COQ5: variants seen among roughly 807,000 people sequenced by gnomAD.
COQ5 encodes 2-methoxy-6-polyprenyl-1,4-benzoquinol methylase, mitochondrial.
In COQ5, 27 loss-of-function variants were observed where a neutral mutation model predicts 40.5. The observed-to-expected ratio is 0.67, with a 90% CI of 0.49 to 0.92. The LOEUF is 0.92. COQ5 is among the 40% of genes least tolerant of loss of function. The pLI, the probability that COQ5 is intolerant of heterozygous loss-of-function variation, is 0.00. For missense variants in COQ5, 409 were observed against 406.4 expected (o/e 1.01, Z -0.06); for synonymous variants, 141 against 150.0 (o/e 0.94, Z 0.44).
At chr12:120,517,123 G>C (rs1321979595) in intron 2 of COQ5, among the ~76,000 whole-genome samples, 1 of 152,080 alleles carries the variant, frequency 6.6e-6, no homozygotes, top group African/African-American at 2.4e-5. Flanking sequence ...GAGACTGGGG[G>C]ATCACCTGAG....
chr12:120,522,255 G>C lies in COQ5; in HGVS notation c.311C>G (p.Pro104Arg). 1 of 1,614,078 alleles carries C rather than the reference G, an allele frequency of 6.2e-7. No homozygotes were observed. The highest frequency in any genetic ancestry group is 8.5e-7 in the Non-Finnish European group (1 of 1,179,994). ...WKDLLLWKMH[P>R]LPGTQLLDVA... Reference sequence around the variant, plus strand: ...ATCAAGCAGCTGGGTCCCAGGAAGCGGGTGCATCTTCCAGAGCAGCAAATC... The same window carrying C: ...ATCAAGCAGCTGGGTCCCAGGAAGCCGGTGCATCTTCCAGAGCAGCAAATC... Residue 104 changes from proline (P) to arginine (R), a missense_variant, in exon 2 of 7, where the codon CCG becomes CGG. Pro to Arg is a moderately radical substitution (Grantham distance 103). Transcript: ENST00000288532.
rs947551904 is a variant in COQ5 at position 120,517,436 on chromosome 12, C to T, written c.353-648G>A. On this transcript the variant is annotated intron_variant, in intron 2 of 6. Coordinates refer to ENST00000288532, the MANE Select transcript of COQ5 (RefSeq NM_032314.4). ...CTGTAATCCCAGCACTTCGGGAGGC[C>T]GAGGCGGTTGGATCACGAGGTCAGG... is the stretch of plus-strand genomic sequence containing the variant. 5.3e-5 allele frequency among the ~76,000 whole-genome samples: 8 copies of T among 149,700 alleles called. No individual in the cohort carries two copies. In the South Asian group the frequency reaches 8.5e-4, roughly 16 times the overall value.
intron 5 of COQ5, 39 bp from the exon 6 acceptor site, chr12:120,504,120 T>G: frequency 4.3e-6 from 5 of 1,175,136 alleles, no homozygotes; most frequent in Non-Finnish European, 5.1e-6. Context: ...GATTAGAACA[T>G]GCCCCTCACT....
At position 120,527,846 on chromosome 12, in the gene COQ5, G is replaced by C. The variant is rs866318521; in HGVS notation, c.202+1094C>G. Among the ~76,000 whole-genome samples, 6 of 151,684 alleles carry C rather than the reference G, an allele frequency of 4.0e-5. No individual in the cohort carries two copies. The South Asian group carries it at 1.2e-3, about 32-fold the overall frequency. Reference sequence around the variant, plus strand: ...AAAAAAAATACAAAAAATTAGCCGGGCATGGTGGCGGGCCCCTGTAGTCCC... The same window carrying C: ...AAAAAAAATACAAAAAATTAGCCGGCCATGGTGGCGGGCCCCTGTAGTCCC... On this transcript the variant is annotated intron_variant, in intron 1 of 6. Transcript: ENST00000288532.
intron 2 of COQ5, among the ~76,000 whole-genome samples, chr12:120,518,195 G>A (rs1049849289): frequency 6.6e-6 from 1 of 152,172 alleles, no homozygotes; most frequent in Non-Finnish European, 1.5e-5. Context: ...GGAGGCTGAG[G>A]TAGGCAGATT....
At chr12:120,510,211 G>A in intron 3 of COQ5, 88 bp from the exon 4 acceptor site, 1 of 1,047,960 alleles carries the variant, frequency 9.5e-7, no homozygotes, top group Non-Finnish European at 1.5e-6. Context: ...GCATTGAGCT[G>A]GAGAGCCCAA....
chr12:120,526,753 C>T lies in COQ5; in HGVS notation c.202+2187G>A, dbSNP rs559044276. On this transcript the variant is annotated intron_variant, in intron 1 of 6. Coordinates refer to ENST00000288532, the MANE Select transcript of COQ5 (RefSeq NM_032314.4). ...TTTTTGAGACAGAGTCTTGCTCTGTCGCCCAGGCTGGAGTGTAGTGGCAGG... is the reference window on the plus strand; with the variant it reads ...TTTTTGAGACAGAGTCTTGCTCTGTTGCCCAGGCTGGAGTGTAGTGGCAGG... 3.2e-4 allele frequency: 59 copies of T among 184,650 alleles called. 1 individual carries two copies. Among genetic ancestry groups the T allele is most frequent in the South Asian group, 2.7e-3 (55 of 20,720 alleles). 11.4% of individuals were successfully genotyped at this position (184,650 alleles called of 1,614,324 possible).
chr12:120,514,779 A>AAC (rs1555222909), intron 3 of COQ5, among the ~76,000 whole-genome samples: 1 of 151,762 alleles, frequency 6.6e-6, no homozygotes, highest in Non-Finnish European at 1.5e-5. Context: ...CAACAACAAC[A>AAC]ACAAAAACTG....
At chr12:120,520,977 G>A (rs1869619671) in intron 2 of COQ5, among the ~76,000 whole-genome samples, 1 of 151,600 alleles carries the variant, frequency 6.6e-6, no homozygotes, top group African/African-American at 2.4e-5. Context: ...AGAAAAGGGG[G>A]TTAAAGGTTA....
chr12:120,512,625 CAAAT>C (rs947762929), intron 3 of COQ5, among the ~76,000 whole-genome samples: 4 of 151,712 alleles, frequency 2.6e-5, no homozygotes, highest in South Asian at 2.1e-4. Context: ...AATAAACAAA[CAAAT>C]AAATAAATAA....
chr12:120,504,233 C>A, intron 5 of COQ5, 152 bp from the exon 6 acceptor site: 1 of 665,658 alleles, frequency 1.5e-6, no homozygotes, highest in South Asian at 1.6e-5. Context: ...AGGTACAAGA[C>A]CAGTAGAAGT....
chr12:120,509,787 C>G, intron 4 of COQ5: 1 of 534,886 alleles, frequency 1.9e-6, no homozygotes, highest in Non-Finnish European at 3.4e-6. Context: ...CTCTCTCTCT[C>G]TCTCTCCCTG....
intron 2 of COQ5, among the ~76,000 whole-genome samples, chr12:120,519,160 G>A (rs11065149): frequency 0.26 from 39,532 of 151,986 alleles, 5,990 homozygotes; most frequent in East Asian, 0.5. Context: ...TGTCCTTATT[G>A]GGAAGAAATA....
At chr12:120,524,859 C>T (rs1023468430) in intron 1 of COQ5, among the ~76,000 whole-genome samples, 3 of 151,950 alleles carry the variant, frequency 2.0e-5, no homozygotes, top group African/African-American at 7.3e-5. Context: ...TGCTCTGTCA[C>T]CCAGGCTGGA....
At chr12:120,513,299 C>T (rs1423603195) in intron 3 of COQ5, among the ~76,000 whole-genome samples, 6 of 149,644 alleles carry the variant, frequency 4.0e-5, no homozygotes, top group East Asian at 4.2e-4. Flanking sequence ...GTCAGGAGAT[C>T]GAGACCATCC....
At chr12:120,518,275 A>G (rs1034878816) in intron 2 of COQ5, among the ~76,000 whole-genome samples, 5 of 152,064 alleles carry the variant, frequency 3.3e-5, no homozygotes, top group African/African-American at 1.2e-4. Flanking sequence ...AAAAAATTAC[A>G]AAAATTAGCC....
chr12:120,529,119 G>T lies in COQ5; in HGVS notation c.23C>A (p.Ala8Asp), dbSNP rs779911285. 1.4e-5 allele frequency: 22 copies of T among 1,613,816 alleles called. No homozygotes were observed. The highest frequency in any genetic ancestry group is 6.7e-5 in the Admixed American group (4 of 59,980). ...CCCACGGCCGCAATAGCTCCATAGA[G>T]CACAGCTCCCGGGGGCCGCCATCTT... MAAPGSC[A>D]LWSYCGRGWS... Residue 8 changes from alanine (A) to aspartate (D), a missense_variant, in exon 1 of 7, where the codon GCT (alanine) becomes GAT (aspartate). By Grantham distance (126) the Ala-to-Asp change is moderately radical (BLOSUM62 -2). Transcript: ENST00000288532.
chr12:120,510,766 G>C (rs938644796), intron 3 of COQ5, among the ~76,000 whole-genome samples: 3 of 152,134 alleles, frequency 2.0e-5, no homozygotes, highest in African/African-American at 7.2e-5. Flanking sequence ...TGGAATCATA[G>C]AGCATCAGCG....
intron 5 of COQ5, chr12:120,504,626 T>C (rs1194274070): frequency 9.2e-6 from 4 of 433,368 alleles, no homozygotes; most frequent in Admixed American, 3.5e-5. Context: ...TTGCCACTAA[T>C]AAGTTCTGAT....
Sources: gnomAD v4.1 joint callset for allele counts (sites outside exome capture counted in the v4.1 genomes callset) on GRCh38, gnomAD v4.1.1 for gene constraint, MANE v1.5 for transcripts, NCBI Gene and HGNC (gene_info 2026-07-23, HGNC 2026-07-21) for gene names.